The following ASIC2 variants were observed in gnomAD, a reference collection of about 807,000 sequenced individuals.
ASIC2 encodes the protein acid-sensing ion channel 2.
In ASIC2, 25 loss-of-function variants were observed where a neutral mutation model predicts 57.3. The ratio of observed to expected loss-of-function variants is 0.44; its 90% confidence interval spans 0.32 to 0.61. The LOEUF is 0.61. ASIC2 is among the 20% of genes least tolerant of loss of function. ASIC2 has a pLI of 0.06. For synonymous variants in ASIC2, 319 were observed against 307.5 expected, an observed-to-expected ratio of 1.04 and a Z score of -0.39; for missense variants, 641 against 738.1, an observed-to-expected ratio of 0.87 and a Z score of 1.52.
At chr17:33,252,935 G>T (rs1238981707) in intron 1 of ASIC2, among the ~76,000 whole-genome samples, 6 of 152,124 alleles carry the variant, frequency 3.9e-5, no homozygotes, top group African/African-American at 1.2e-4. Flanking sequence ...ATTTGTTCTT[G>T]TGGGTAGAAC....
At chr17:33,620,993 A>T (rs1004397792) in intron 1 of ASIC2, among the ~76,000 whole-genome samples, 6 of 151,296 alleles carry the variant, frequency 4.0e-5, no homozygotes, top group African/African-American at 1.5e-4. Context: ...TCAGGGTCTT[A>T]TCCTTGCTGT....
At chr17:33,978,593 G>T (rs1474204959) in intron 1 of ASIC2, among the ~76,000 whole-genome samples, 1 of 152,256 alleles carries the variant, frequency 6.6e-6, no homozygotes, top group Non-Finnish European at 1.5e-5. Flanking sequence ...GGGTGGGTCT[G>T]CAGGGCAAGC....
intron 1 of ASIC2, among the ~76,000 whole-genome samples, chr17:33,869,706 A>G (rs578171699): frequency 5.3e-5 from 8 of 152,338 alleles, no homozygotes; most frequent in South Asian, 2.1e-4. Flanking sequence ...GTAGAGGCCA[A>G]TGGAAATTAA....
chr17:34,004,192 G>A (rs1399911633), intron 1 of ASIC2: 1 of 128,010 alleles, frequency 7.8e-6, no homozygotes, highest in Non-Finnish European at 1.6e-5. Context: ...ATGGGAGAAG[G>A]AAAAGGAAAA....
chr17:33,039,566 C>T (rs1201530348), intron 3 of ASIC2, among the ~76,000 whole-genome samples: 2 of 152,166 alleles, frequency 1.3e-5, no homozygotes, highest in African/African-American at 4.8e-5. Context: ...TCAGAGGATG[C>T]TGTGATTTTT....
chr17:33,902,477 A>G (rs1420226453), intron 1 of ASIC2, among the ~76,000 whole-genome samples: 2 of 152,234 alleles, frequency 1.3e-5, no homozygotes, highest in African/African-American at 2.4e-5. Flanking sequence ...TAAAGTAGAT[A>G]TCAAAATTCC....
intron 1 of ASIC2, among the ~76,000 whole-genome samples, chr17:33,405,328 A>C (rs941714170): frequency 8.5e-5 from 13 of 152,068 alleles, no homozygotes; most frequent in African/African-American, 3.1e-4. Context: ...AATGGGGTAC[A>C]ACTTTCCAAA....
chr17:33,847,168 C>T (rs1913631764), intron 1 of ASIC2, among the ~76,000 whole-genome samples: 1 of 151,456 alleles, frequency 6.6e-6, no homozygotes, highest in East Asian at 1.9e-4. Flanking sequence ...TCTAGTAGGG[C>T]AGAAAGAGGA....
chr17:33,265,156 C>T (rs982462712), intron 1 of ASIC2, among the ~76,000 whole-genome samples: 21 of 152,218 alleles, frequency 1.4e-4, no homozygotes, highest in African/African-American at 4.8e-4. Context: ...TACAGGGCTC[C>T]TTTGCCTAGG....
chr17:33,673,844 G>A (rs1907719704), intron 1 of ASIC2, among the ~76,000 whole-genome samples: 1 of 151,738 alleles, frequency 6.6e-6, no homozygotes, highest in East Asian at 1.9e-4. Context: ...AGTGAGACCT[G>A]TCCTTTGAGC....
At chr17:33,622,760 C>T (rs1560916) in intron 1 of ASIC2, among the ~76,000 whole-genome samples, 79,442 of 152,048 alleles carry the variant, frequency 0.52, 21,377 homozygotes, top group African/African-American at 0.64. Flanking sequence ...AATAAAATGT[C>T]TGCTTTCTTT....
rs552436886 is a variant in ASIC2, at chr17:33,242,248, C to T, written c.708+49160G>A. Among the ~76,000 whole-genome samples the T allele has an allele frequency of 2.0e-5, 3 of 149,522 alleles. No homozygotes were observed. In the South Asian group the frequency reaches 6.4e-4, roughly 32 times the overall value. ...AGGAGAATGGCATGAACCTGGGAGG[C>T]GGAGCTTGCAGTGAGCCGAGATCTC... On this transcript the variant is annotated intron_variant, in intron 1 of 9. Coordinates refer to ENST00000225823, the MANE Select transcript of ASIC2 (RefSeq NM_183377.2).
At chr17:33,124,156 A>G (rs577115102) in intron 1 of ASIC2, among the ~76,000 whole-genome samples, 16 of 152,272 alleles carry the variant, frequency 1.1e-4, no homozygotes, top group African/African-American at 3.1e-4. Context: ...TTAAAGTCAT[A>G]TTTCAGCTTT....
chr17:33,990,205 G>A (rs1399983452), intron 1 of ASIC2, among the ~76,000 whole-genome samples: 2 of 152,184 alleles, frequency 1.3e-5, no homozygotes, highest in Non-Finnish European at 2.9e-5. Context: ...TCACAGCTCT[G>A]CCTCTTACTA....
chr17:33,482,058 T>C (rs534103138), intron 1 of ASIC2, among the ~76,000 whole-genome samples: 1 of 152,348 alleles, frequency 6.6e-6, no homozygotes, highest in East Asian at 1.9e-4. Flanking sequence ...GCTGCTCTGG[T>C]CTCTCCTCTC....
intron 1 of ASIC2, among the ~76,000 whole-genome samples, chr17:33,877,863 G>A (rs757418494): frequency 1.1e-4 from 16 of 152,216 alleles, no homozygotes; most frequent in Non-Finnish European, 2.1e-4. Context: ...CCCCCCAGTA[G>A]GGGCAGACTG....
chr17:33,863,161 T>C (rs1042426309), intron 1 of ASIC2, among the ~76,000 whole-genome samples: 1 of 152,140 alleles, frequency 6.6e-6, no homozygotes, highest in Non-Finnish European at 1.5e-5. Context: ...CTTAGAGAAA[T>C]AGAGCAGTTG....
At chr17:34,143,520 T>C (rs1912328666) in intron 1 of ASIC2, among the ~76,000 whole-genome samples, 1 of 152,236 alleles carries the variant, frequency 6.6e-6, no homozygotes, top group Non-Finnish European at 1.5e-5. Flanking sequence ...TTGCCTATTG[T>C]GTTTTGCCTT....
Position 33,917,855 on chromosome 17 carries a change from T to TACACACAC in ASIC2, c.555+238115_555+238122dup, listed in dbSNP as rs10645495. 4.1e-3 allele frequency among the ~76,000 whole-genome samples: 567 copies of TACACACAC among 139,166 alleles called. 6 individuals carry two copies. The highest frequency in any genetic ancestry group is 0.015 in the African/African-American group (540 of 36,144). The allele number at this position is 139,166 out of a possible 152,430, so 91.3% of individuals were successfully genotyped here. On this transcript the variant is annotated intron_variant, in intron 1 of 9. Transcript: ENST00000359872. ...TAGCTTACCAGACCATAAAGCCCGGTACACACACACACACACACACACACA... is the reference window on the plus strand; with the variant it reads ...TAGCTTACCAGACCATAAAGCCCGGTACACACACACACACACACACACACACACACACA...
Sources: gnomAD v4.1 joint callset for allele counts (sites outside exome capture counted in the v4.1 genomes callset) on GRCh38, gnomAD v4.1.1 for gene constraint, MANE v1.5 for transcripts, NCBI Gene and HGNC (gene_info 2026-07-23, HGNC 2026-07-21) for gene names.